NME9: variants seen among roughly 807,000 people sequenced by gnomAD.
The protein encoded by NME9 is thioredoxin domain-containing protein 6.
In NME9, 48 loss-of-function variants were observed where a neutral mutation model predicts 44.4. The observed-to-expected ratio is 1.08, with a 90% CI of 0.86 to 1.37. The LOEUF (loss-of-function observed/expected upper bound fraction) is 1.37, where lower values mean the gene tolerates loss of function less well. NME9 is among the 40% of genes most tolerant of loss of function. The probability of loss-of-function intolerance (pLI) is 0.00; values close to 1 mark genes in which losing one functional copy is unlikely to be tolerated. For missense variants in NME9, 325 were observed against 405.2 expected (o/e 0.80, Z 1.70); for synonymous variants, 139 against 147.1 (o/e 0.94, Z 0.40).
chr3:138,315,465 GCTGATCTCGC>G, intron 5 of NME9, 52 bp downstream of exon 5: 1 of 1,124,530 alleles, frequency 8.9e-7, no homozygotes, highest in South Asian at 1.4e-5. Flanking sequence ...GATGGGGACT[GCTGATCTCGC>G]CCTACTAGCG....
At chr3:138,294,937 C>T (rs2051330066) in intron 8 of NME9, among the ~76,000 whole-genome samples, 3 of 145,896 alleles carry the variant, frequency 2.1e-5, no homozygotes, top group Non-Finnish European at 4.5e-5. Flanking sequence ...TCACTCTTGT[C>T]GCACAGGCTG....
chr3:138,287,588 T>C, intron 8 of NME9: 1 of 456,036 alleles, frequency 2.2e-6, no homozygotes. Flanking sequence ...TGATTGATTG[T>C]CTGAGGCTGG....
exon 9 of NME9, chr3:138,262,155 T>A (rs1267847225): frequency 6.1e-6 from 1 of 164,406 alleles, no homozygotes. Flanking sequence ...GTCTTCTAAG[T>A]GGAGTGTCTG....
intron 8 of NME9, chr3:138,295,851 G>C: frequency 1.2e-6 from 2 of 1,613,526 alleles, no homozygotes; most frequent in Non-Finnish European, 1.7e-6. Flanking sequence ...GGAATTTTGT[G>C]ATTTCAGGGC....
chr3:138,326,593 C>T lies in NME9; in HGVS notation c.34-1663G>A, dbSNP rs547633595. Among the ~76,000 whole-genome samples the T allele has an allele frequency of 2.6e-5, 4 of 151,914 alleles. No homozygotes were observed. The South Asian group carries it at 8.4e-4, about 32-fold the overall frequency. ...GGATTACAAGTGCCCGCTACCACAC[C>T]CGGGTAATTTTTTGTATTTTTAGTA... On this transcript the variant is annotated intron_variant, in intron 1 of 10. Coordinates refer to ENST00000333911, the MANE Select transcript of NME9 (RefSeq NM_001349018.2).
At chr3:138,323,855 G>A (rs1238728337) in intron 2 of NME9, among the ~76,000 whole-genome samples, 1 of 152,212 alleles carries the variant, frequency 6.6e-6, no homozygotes, top group African/African-American at 2.4e-5. Context: ...AAGAGTGGGT[G>A]ACAGTAGGTG....
chr3:138,305,885 C>G (rs2052216793), intron 8 of NME9, 119 bp downstream of exon 8: 3 of 729,224 alleles, frequency 4.1e-6, no homozygotes, highest in Non-Finnish European at 7.4e-6. Flanking sequence ...GACCCACTTG[C>G]TGTTCCTATT....
At chr3:138,291,947 G>A (rs1471957428) in intron 8 of NME9, among the ~76,000 whole-genome samples, 1 of 152,178 alleles carries the variant, frequency 6.6e-6, no homozygotes, top group Non-Finnish European at 1.5e-5. Flanking sequence ...CTTTTATTCA[G>A]AGTTTAATAG....
intron 7 of NME9, 29 bp from the exon 8 acceptor site, chr3:138,306,125 G>C (rs1054166223): frequency 2.0e-5 from 29 of 1,484,996 alleles, no homozygotes; most frequent in Non-Finnish European, 2.6e-5. Context: ...TATTCTAAAA[G>C]GGTAAATCAA....
intron 8 of NME9, chr3:138,290,665 G>A: frequency 1.3e-6 from 2 of 1,494,458 alleles, no homozygotes; most frequent in Non-Finnish European, 1.8e-6. Flanking sequence ...AAAAGGCCTT[G>A]CTTTGGGCTG....
rs754336440 is a variant in NME9 at position 138,318,210 on chromosome 3, C to G, written c.205G>C (p.Asp69His). 3.7e-6 allele frequency: 6 copies of G among 1,611,444 alleles called. No individual in the cohort carries two copies. The highest frequency in any genetic ancestry group is 5.1e-6 in the Non-Finnish European group (6 of 1,177,664). The change falls in exon 4 of 11, where the codon GAT becomes CAT. Residue 69 changes from aspartate to histidine, a missense_variant. Coordinates refer to ENST00000333911, the MANE Select transcript of NME9 (RefSeq NM_001349018.2). The part of the protein sequence containing the change: ...DLLHFALAEA[D>H]RLDVLEKYRG... ...TACTTTTCGAGGACATCAAGACGATCTGCCTCTGCCTAAAGAAAGCCACTA... is the reference window on the plus strand; with the variant it reads ...TACTTTTCGAGGACATCAAGACGATGTGCCTCTGCCTAAAGAAAGCCACTA...
In NME9 at chr3:138,322,521, T is replaced by TGTGC. The variant is rs59463925; in HGVS notation, c.91+2351_91+2352insGCAC. The stretch of plus-strand genomic sequence containing the variant: ...GTGTGTGTGTGTGTGTGTGTGTGTG[T>TGTGC]CTGTGCATGCACGTGTAGGTCTGAA... On this transcript the variant is annotated intron_variant, in intron 2 of 10. Coordinates refer to ENST00000333911, the MANE Select transcript of NME9 (RefSeq NM_001349018.2). Among the ~76,000 whole-genome samples, 158 of 149,914 alleles carry TGTGC rather than the reference T, an allele frequency of 1.1e-3. 1 individual carries two copies. Among genetic ancestry groups the TGTGC allele is most frequent in the African/African-American group, 3.6e-3 (146 of 40,980 alleles).
intron 8 of NME9, among the ~76,000 whole-genome samples, chr3:138,275,404 A>C (rs1307003141): frequency 6.6e-6 from 1 of 152,116 alleles, no homozygotes; most frequent in Non-Finnish European, 1.5e-5. Flanking sequence ...AAAAAAATAC[A>C]AAAAATTAGC....
intron 10 of NME9, 67 bp downstream of exon 10, chr3:138,303,440 A>C: frequency 7.6e-7 from 1 of 1,309,236 alleles, no homozygotes; most frequent in Non-Finnish European, 1.1e-6. Context: ...CCACACACTC[A>C]AGCACATAGT....
chr3:138,293,337 C>T (rs560967712), intron 8 of NME9, among the ~76,000 whole-genome samples: 2 of 152,224 alleles, frequency 1.3e-5, no homozygotes, highest in South Asian at 2.1e-4. Context: ...GTCAGGAGTT[C>T]GAGACCAGCC....
At chr3:138,290,776 A>T in intron 8 of NME9, 1 of 642,964 alleles carries the variant, frequency 1.6e-6, no homozygotes, top group Non-Finnish European at 2.7e-6. Flanking sequence ...ATTTTCTATG[A>T]GCCACTGTAC....
At chr3:138,281,601 T>G (rs2108347275) in intron 8 of NME9, among the ~76,000 whole-genome samples, 1 of 152,310 alleles carries the variant, frequency 6.6e-6, no homozygotes, top group South Asian at 2.1e-4. Context: ...AATTGATTTC[T>G]TTAAGATTTG....
chr3:138,279,184 A>C (rs1374357370), intron 8 of NME9, among the ~76,000 whole-genome samples: 6 of 152,164 alleles, frequency 3.9e-5, no homozygotes, highest in African/African-American at 7.2e-5. Context: ...AGGAAAAGAA[A>C]TTATCTTCTA....
chr3:138,262,435 C>T, exon 9 of NME9: 1 of 1,284,442 alleles, frequency 7.8e-7, no homozygotes, highest in Non-Finnish European at 1.1e-6. Context: ...TTTCCCTGAT[C>T]ATTGTTAATT....
Sources: gnomAD v4.1 joint callset for allele counts (sites outside exome capture counted in the v4.1 genomes callset) on GRCh38, gnomAD v4.1.1 for gene constraint, MANE v1.5 for transcripts, NCBI Gene and HGNC (gene_info 2026-07-23, HGNC 2026-07-21) for gene names.